The following GPM6A variants were observed in gnomAD, a reference collection of about 807,000 sequenced individuals.
GPM6A encodes the protein glycoprotein M6A, also known as neuronal membrane glycoprotein M6-a.
In GPM6A, 7 loss-of-function variants were observed where a neutral mutation model predicts 32.1. That is an observed-to-expected ratio of 0.22 (90% CI 0.12 to 0.41). The LOEUF (loss-of-function observed/expected upper bound fraction) is 0.41, where lower values mean the gene tolerates loss of function less well. Among genes scored for constraint, GPM6A ranks in the 10% least tolerant of loss-of-function variants. The probability of loss-of-function intolerance (pLI) is 1.00; values close to 1 mark genes in which losing one functional copy is unlikely to be tolerated. For synonymous variants in GPM6A, 130 were observed against 123.4 expected, an observed-to-expected ratio of 1.05 and a Z score of -0.35; for missense variants, 235 against 347.2, an observed-to-expected ratio of 0.68 and a Z score of 2.57.
At chr4:175,752,376 G>C (rs1363310853) in intron 1 of GPM6A, among the ~76,000 whole-genome samples, 1 of 152,094 alleles carries the variant, frequency 6.6e-6, no homozygotes, top group African/African-American at 2.4e-5. Flanking sequence ...GATTTAGGAA[G>C]TGTATCTGCA....
At chr4:175,925,511 C>T (rs1738806169) in intron 1 of GPM6A, among the ~76,000 whole-genome samples, 1 of 152,146 alleles carries the variant, frequency 6.6e-6, no homozygotes, top group Non-Finnish European at 1.5e-5. Flanking sequence ...AAATAAAGCT[C>T]TTACAAGCTC....
chr4:175,874,249 G>A (rs1053375630), intron 1 of GPM6A, among the ~76,000 whole-genome samples: 4 of 152,130 alleles, frequency 2.6e-5, no homozygotes, highest in African/African-American at 9.7e-5. Context: ...TCATTGATGA[G>A]CACCCACATG....
chr4:175,719,136 A>G (rs895520929), intron 1 of GPM6A, among the ~76,000 whole-genome samples: 1 of 152,176 alleles, frequency 6.6e-6, no homozygotes, highest in Admixed American at 6.5e-5. Flanking sequence ...ACATTTTTTA[A>G]GAAGCACATA....
chr4:175,743,624 C>A (rs1731978021), intron 1 of GPM6A, among the ~76,000 whole-genome samples: 1 of 150,870 alleles, frequency 6.6e-6, no homozygotes, highest in Non-Finnish European at 1.5e-5. Context: ...TTAAAAATAA[C>A]TTTTACAATT....
chr4:175,709,877 G>T (rs1223984324), intron 1 of GPM6A, among the ~76,000 whole-genome samples: 1 of 151,892 alleles, frequency 6.6e-6, no homozygotes, highest in South Asian at 2.1e-4. Context: ...AAACCATCTT[G>T]AACACTGCTA....
chr4:175,753,482 A>G lies in GPM6A; in HGVS notation c.38-51715T>C, dbSNP rs543318153. ...GATGAAAATAGGAATGCAATTTTAA[A>G]AGGAATCCAACAAGTAAACAGTTGT... On this transcript the variant is annotated intron_variant, in intron 1 of 6. Coordinates refer to ENST00000393658, the MANE Select transcript of GPM6A (RefSeq NM_201591.3). Among the ~76,000 whole-genome samples the G allele has an allele frequency of 8.5e-5, 13 of 152,308 alleles. No homozygotes were observed. In the East Asian group the frequency reaches 2.3e-3, roughly 27 times the overall value.
intron 1 of GPM6A, among the ~76,000 whole-genome samples, chr4:175,854,412 A>G (rs1736355356): frequency 6.6e-6 from 1 of 152,188 alleles, no homozygotes; most frequent in Non-Finnish European, 1.5e-5. Context: ...AAAATAATCT[A>G]ATGAATGACT....
intron 1 of GPM6A, among the ~76,000 whole-genome samples, chr4:175,860,556 A>T (rs1279300639): frequency 6.6e-6 from 1 of 152,212 alleles, no homozygotes; most frequent in Non-Finnish European, 1.5e-5. Flanking sequence ...CCATAATTTA[A>T]AATATTCCAA....
chr4:175,780,461 C>G (rs531986464), intron 1 of GPM6A, among the ~76,000 whole-genome samples: 1 of 152,332 alleles, frequency 6.6e-6, no homozygotes, highest in Admixed American at 6.5e-5. Flanking sequence ...ATCCCAAGTG[C>G]TTGGCACAGA....
chr4:175,909,755 G>C (rs892985985), intron 1 of GPM6A, among the ~76,000 whole-genome samples: 1 of 152,140 alleles, frequency 6.6e-6, no homozygotes, highest in African/African-American at 2.4e-5. Flanking sequence ...AAGTTGGTAG[G>C]ATTTGCATAG....
At chr4:175,997,310 G>A (rs907068895) in intron 1 of GPM6A, among the ~76,000 whole-genome samples, 5 of 152,216 alleles carry the variant, frequency 3.3e-5, no homozygotes, top group East Asian at 1.9e-4. Context: ...ATCTTCTTCC[G>A]CTGAGGTTGG....
intron 1 of GPM6A, chr4:175,806,734 T>G (rs1157032161): frequency 6.6e-6 from 1 of 152,220 alleles, no homozygotes; most frequent in Non-Finnish European, 1.5e-5. Flanking sequence ...TACCAAGCGG[T>G]AAAAGTAATT....
chr4:176,000,477 G>C (rs1407820308), intron 1 of GPM6A, among the ~76,000 whole-genome samples: 1 of 152,144 alleles, frequency 6.6e-6, no homozygotes, highest in East Asian at 1.9e-4. Context: ...TTTCACTATA[G>C]TAAGGAAATG....
intron 1 of GPM6A, among the ~76,000 whole-genome samples, chr4:175,849,263 A>C (rs1039680548): frequency 6.6e-6 from 1 of 152,172 alleles, no homozygotes; most frequent in South Asian, 2.1e-4. Flanking sequence ...TTTTAGTTGC[A>C]TGGGGCCTTG....
intron 1 of GPM6A, among the ~76,000 whole-genome samples, chr4:175,737,928 C>T (rs1289266921): frequency 6.6e-6 from 1 of 151,296 alleles, no homozygotes; most frequent in Non-Finnish European, 1.5e-5. Flanking sequence ...AAACATCTCC[C>T]ACTAGGTCCC....
chr4:175,794,787 C>T (rs544752537), intron 1 of GPM6A, among the ~76,000 whole-genome samples: 2 of 152,114 alleles, frequency 1.3e-5, no homozygotes, highest in South Asian at 4.2e-4. Flanking sequence ...GAGACTATTT[C>T]AATGCTGAAT....
intron 4 of GPM6A, among the ~76,000 whole-genome samples, chr4:175,646,819 C>T (rs572411139): frequency 4.6e-5 from 7 of 152,306 alleles, no homozygotes; most frequent in African/African-American, 1.4e-4. Context: ...ATGCCAGACT[C>T]TCATTCATGG....
At chr4:175,647,728 G>T (rs565744208) in intron 4 of GPM6A, among the ~76,000 whole-genome samples, 1 of 152,232 alleles carries the variant, frequency 6.6e-6, no homozygotes, top group South Asian at 2.1e-4. Context: ...CTATGCAATT[G>T]TCTTTTTGAT....
chr4:175,694,963 C>T (rs1744494982), intron 2 of GPM6A, among the ~76,000 whole-genome samples: 1 of 152,160 alleles, frequency 6.6e-6, no homozygotes, highest in South Asian at 2.1e-4. Context: ...ACTCCCACTC[C>T]AGCCATGGCT....
Sources: gnomAD v4.1 joint callset for allele counts (sites outside exome capture counted in the v4.1 genomes callset) on GRCh38, gnomAD v4.1.1 for gene constraint, MANE v1.5 for transcripts, NCBI Gene and HGNC (gene_info 2026-07-23, HGNC 2026-07-21) for gene names.